The following EDA variants were observed in gnomAD, a reference collection of about 807,000 sequenced individuals.
EDA encodes ectodysplasin-A.
A neutral mutation model predicts 23.6 loss-of-function variants in EDA; 2 were observed. The observed-to-expected ratio is 0.08, with a 90% CI of 0.03 to 0.27. The LOEUF is 0.27. EDA is among the 10% of genes least tolerant of loss of function. The pLI is 1.00. For missense variants in EDA, 229 were observed against 324.2 expected (o/e 0.71, Z 2.26); for synonymous variants, 131 against 132.0 (o/e 0.99, Z 0.05).
chrX:69,911,888 G>A (rs776937572), intron 1 of EDA, among the ~76,000 whole-genome samples: 1 of 112,333 alleles, frequency 8.9e-6, no homozygotes, highest in East Asian at 2.8e-4. Context: ...AGGTTGAGGT[G>A]GCTGTGGCAC....
Position 69,645,473 on chromosome X carries a change from G to C in EDA, c.396+28769G>C, listed in dbSNP as rs186261257. Among the ~76,000 whole-genome samples the C allele has an allele frequency of 8.9e-5, 9 of 101,562 alleles. No individual in the cohort carries two copies. The East Asian group carries it at 3.0e-3, about 34-fold the overall frequency. The allele number at this position is 101,562 out of a possible 115,157, so 88.2% of individuals were successfully genotyped here. ...CCTCTTATTTCTGATTGTGTTTAGA[G>C]TGTTTCAAGGTTTTTTCATGTCTCT... On this transcript the variant is annotated intron_variant, in intron 1 of 7. Transcript: ENST00000374552.
chrX:69,916,465 C>T (rs1191256463), intron 1 of EDA, among the ~76,000 whole-genome samples: 12 of 96,500 alleles, frequency 1.2e-4, no homozygotes, highest in East Asian at 3.3e-4. Context: ...TGCAGTGGCG[C>T]GATCTTGGCT....
intron 1 of EDA, among the ~76,000 whole-genome samples, chrX:69,793,918 C>T (rs747469395): frequency 1.8e-5 from 2 of 111,153 alleles, no homozygotes; most frequent in South Asian, 3.8e-4. Context: ...GTAGAAAACT[C>T]GTCTCTGGCA....
intron 1 of EDA, among the ~76,000 whole-genome samples, chrX:69,655,039 C>G (rs1410715315): frequency 9.0e-6 from 1 of 111,311 alleles, no homozygotes; most frequent in Non-Finnish European, 1.9e-5. Context: ...TTTCTCATTT[C>G]ACTTAACAAA....
At chrX:69,731,535 G>A (rs1036137119) in intron 1 of EDA, among the ~76,000 whole-genome samples, 2 of 109,466 alleles carry the variant, frequency 1.8e-5, no homozygotes, top group Middle Eastern at 4.7e-3. Context: ...TCCGCCTCCC[G>A]GGTTCAAGCA....
chrX:69,825,677 G>T (rs201956308), intron 1 of EDA, among the ~76,000 whole-genome samples: 2,562 of 48,879 alleles, frequency 0.052, no homozygotes, highest in Non-Finnish European at 0.075. Flanking sequence ...TTTTTGAAGG[G>T]TTTTTTGTGT....
chrX:69,620,170 G>T (rs763836247), intron 1 of EDA, among the ~76,000 whole-genome samples: 1 of 112,111 alleles, frequency 8.9e-6, no homozygotes, highest in Admixed American at 9.4e-5. Flanking sequence ...TAGAAAGCCT[G>T]CTGTGCCAGA....
chrX:69,932,084 G>A (rs1602543797), intron 1 of EDA, among the ~76,000 whole-genome samples: 1 of 111,798 alleles, frequency 8.9e-6, no homozygotes, highest in South Asian at 3.8e-4. Flanking sequence ...AAAGAAGCCC[G>A]ACAAAGTATC....
chrX:69,758,165 A>G (rs1224656733), intron 1 of EDA, among the ~76,000 whole-genome samples: 1 of 112,411 alleles, frequency 8.9e-6, no homozygotes, highest in Admixed American at 9.4e-5. Flanking sequence ...CTTTAAGACT[A>G]CTTTCAAACA....
At chrX:69,892,926 T>A (rs1433272137) in intron 1 of EDA, among the ~76,000 whole-genome samples, 3 of 111,603 alleles carry the variant, frequency 2.7e-5, no homozygotes, top group Non-Finnish European at 5.6e-5. Flanking sequence ...GACCCTCACA[T>A]CTGATTCAAT....
At chrX:69,855,650 C>T (rs1194405574) in intron 1 of EDA, among the ~76,000 whole-genome samples, 1 of 111,036 alleles carries the variant, frequency 9.0e-6, no homozygotes, top group Non-Finnish European at 1.9e-5. Context: ...TTTCTGGGTT[C>T]TCTATTCTGT....
At chrX:69,947,848 T>G in intron 1 of EDA, among the ~76,000 whole-genome samples, 1 of 112,635 alleles carries the variant, frequency 8.9e-6, no homozygotes, top group African/African-American at 3.2e-5. Flanking sequence ...TTTTAGTTTT[T>G]CAGCTCTGTT....
intron 1 of EDA, among the ~76,000 whole-genome samples, chrX:69,782,382 A>AAAAAC (rs1282379735): frequency 3.9e-4 from 42 of 106,491 alleles, no homozygotes; most frequent in African/African-American, 1.4e-3. Context: ...AAAAAAAAAA[A>AAAAAC]AAAAAAAAAA....
At chrX:69,662,793 A>C (rs899039584) in intron 1 of EDA, among the ~76,000 whole-genome samples, 1 of 112,298 alleles carries the variant, frequency 8.9e-6, no homozygotes, top group Non-Finnish European at 1.9e-5. Context: ...TTCAGGCTGA[A>C]GTGGTCTCAG....
At chrX:69,691,276 C>T (rs1451914499) in intron 1 of EDA, among the ~76,000 whole-genome samples, 1 of 111,638 alleles carries the variant, frequency 9.0e-6, no homozygotes, top group African/African-American at 3.2e-5. Flanking sequence ...CGTGTAAAAT[C>T]TCTAGCACAA....
At chrX:69,849,610 A>G (rs1049635551) in intron 1 of EDA, among the ~76,000 whole-genome samples, 2 of 112,073 alleles carry the variant, frequency 1.8e-5, no homozygotes, top group African/African-American at 3.2e-5. Context: ...AACTCCTAGT[A>G]CTTCCTGCCT....
In EDA at chrX:69,643,700, G is replaced by T. The variant is rs537335109; in HGVS notation, c.396+26996G>T. Among the ~76,000 whole-genome samples the T allele has an allele frequency of 4.5e-5, 5 of 111,888 alleles. No individual in the cohort carries two copies. In the South Asian group the frequency reaches 1.5e-3, roughly 33 times the overall value. On this transcript the variant is annotated intron_variant, in intron 1 of 7. Coordinates refer to ENST00000374552, the MANE Select transcript of EDA (RefSeq NM_001399.5). ...CTTTGCCCATTTCTATGTCCTGAAT[G>T]ATATTGCCCAGATTTTCTTTTAGGG...
chrX:69,701,866 T>A (rs1316350059), intron 1 of EDA, among the ~76,000 whole-genome samples: 1 of 111,413 alleles, frequency 9.0e-6, no homozygotes, highest in Admixed American at 9.5e-5. Flanking sequence ...ATCTTGATAA[T>A]CCCAGTGGGG....
At chrX:69,981,334 G>C (rs570311343) in intron 2 of EDA, among the ~76,000 whole-genome samples, 1 of 111,695 alleles carries the variant, frequency 9.0e-6, no homozygotes, top group South Asian at 3.8e-4. Flanking sequence ...CTGTACTGTA[G>C]AATAGAAGAG....
Sources: gnomAD v4.1 joint callset for allele counts (sites outside exome capture counted in the v4.1 genomes callset) on GRCh38, gnomAD v4.1.1 for gene constraint, MANE v1.5 for transcripts, NCBI Gene and HGNC (gene_info 2026-07-23, HGNC 2026-07-21) for gene names.